ABR: variants seen among roughly 807,000 people sequenced by gnomAD.
ABR encodes active breakpoint cluster region-related protein.
A neutral mutation model predicts 107.2 loss-of-function variants in ABR; 35 were observed. The ratio of observed to expected loss-of-function variants is 0.33; its 90% CI spans 0.25 to 0.43. ABR has a LOEUF of 0.43. Ranked by LOEUF, ABR falls within the 20% of genes least tolerant of loss-of-function variation. The pLI is 1.00. For synonymous variants in ABR, 498 were observed against 462.0 expected (o/e 1.08, Z -1.00); for missense variants, 815 against 1,115.2 (o/e 0.73, Z 3.83).
At chr17:1,016,111 A>C (rs753278557) in intron 16 of ABR, among the ~76,000 whole-genome samples, 18 of 152,232 alleles carry the variant, frequency 1.2e-4, no homozygotes, top group Non-Finnish European at 2.2e-4. Context: ...CAGCCGCGTT[A>C]CACCATTCTT....
At chr17:1,218,450 G>A (rs2043054661) in intron 1 of ABR, among the ~76,000 whole-genome samples, 1 of 152,184 alleles carries the variant, frequency 6.6e-6, no homozygotes, top group African/African-American at 2.4e-5. Context: ...AGTCTGGAGA[G>A]GTTAACAGTT....
intron 7 of ABR, 42 bp from the exon 8 acceptor site, chr17:1,072,796 G>T: frequency 6.3e-7 from 1 of 1,595,046 alleles, no homozygotes; most frequent in Non-Finnish European, 8.5e-7. Flanking sequence ...GCGGCTCTGG[G>T]GCCTGATGTG....
At chr17:1,122,271 A>G (rs767358097) in intron 2 of ABR, among the ~76,000 whole-genome samples, 1 of 152,244 alleles carries the variant, frequency 6.6e-6, no homozygotes, top group Non-Finnish European at 1.5e-5. Flanking sequence ...AAGGAATAAT[A>G]GTATGACACT....
intron 1 of ABR, among the ~76,000 whole-genome samples, chr17:1,211,909 C>T (rs989256977): frequency 2.6e-5 from 4 of 151,672 alleles, no homozygotes; most frequent in Admixed American, 1.3e-4. Flanking sequence ...GGTGAAACCC[C>T]GTCTCTACTA....
At chr17:1,177,659 GTTCCATACGA>G in intron 1 of ABR, among the ~76,000 whole-genome samples, 1 of 152,150 alleles carries the variant, frequency 6.6e-6, no homozygotes, top group Non-Finnish European at 1.5e-5. Context: ...TAGAGACAGG[GTTCCATACGA>G]TTCCAGGCTT....
chr17:1,132,413 C>G (rs1030573865), intron 1 of ABR, among the ~76,000 whole-genome samples: 2 of 139,040 alleles, frequency 1.4e-5, no homozygotes, highest in African/African-American at 5.4e-5. Context: ...GAGTCTCGCT[C>G]TGTCACCCAG....
At chr17:1,055,788 A>G in intron 14 of ABR, 1 of 448,418 alleles carries the variant, frequency 2.2e-6, no homozygotes, top group Non-Finnish European at 4.1e-6. Context: ...GGGCCTCCCA[A>G]AGTGCTGGGA....
At chr17:1,119,872 G>C (rs543413079) in intron 2 of ABR, among the ~76,000 whole-genome samples, 6 of 152,148 alleles carry the variant, frequency 3.9e-5, no homozygotes, top group Non-Finnish European at 7.3e-5. Flanking sequence ...CATGGTCTTG[G>C]ACAAACAATA....
chr17:1,211,421 CAG>C (rs1469623897), intron 1 of ABR, among the ~76,000 whole-genome samples: 1 of 152,208 alleles, frequency 6.6e-6, no homozygotes, highest in Admixed American at 6.5e-5. Flanking sequence ...GCTGTTCCTG[CAG>C]AGGTGTCTGA....
At chr17:1,185,657 A>AC (rs2042267835) in intron 1 of ABR, among the ~76,000 whole-genome samples, 1 of 140,856 alleles carries the variant, frequency 7.1e-6, no homozygotes, top group African/African-American at 2.8e-5. Context: ...AAAGAAATAA[A>AC]AAAAAAAAAA....
intron 1 of ABR, among the ~76,000 whole-genome samples, chr17:1,185,654 T>TAAAAA (rs775804045): frequency 7.6e-4 from 30 of 39,346 alleles, no homozygotes; most frequent in African/African-American, 2.5e-3. Flanking sequence ...CAGAAAGAAA[T>TAAAAA]AAAAAAAAAA....
intron 1 of ABR, among the ~76,000 whole-genome samples, chr17:1,177,539 G>A (rs2041957971): frequency 6.6e-6 from 1 of 152,202 alleles, no homozygotes; most frequent in African/African-American, 2.4e-5. Flanking sequence ...GAATTTTCAA[G>A]GTGGCCTCAG....
intron 1 of ABR, chr17:1,155,878 C>T (rs1051795949): frequency 6.8e-6 from 1 of 147,032 alleles, no homozygotes; most frequent in African/African-American, 2.5e-5. Flanking sequence ...GCAGGAAAAT[C>T]CAGGAGGCGG....
intron 1 of ABR, among the ~76,000 whole-genome samples, chr17:1,133,094 A>G (rs1347825401): frequency 1.3e-5 from 2 of 152,172 alleles, no homozygotes; most frequent in African/African-American, 4.8e-5. Flanking sequence ...ATACAAAATT[A>G]GCCAGGCGTG....
At chr17:1,073,955 C>G in intron 6 of ABR, among the ~76,000 whole-genome samples, 1 of 140,636 alleles carries the variant, frequency 7.1e-6, no homozygotes, top group African/African-American at 2.5e-5. Flanking sequence ...GCCCCGCCCC[C>G]CTCCCCAGGC....
At chr17:1,069,596 C>A (rs1472168033) in intron 9 of ABR, among the ~76,000 whole-genome samples, 1 of 152,072 alleles carries the variant, frequency 6.6e-6, no homozygotes, top group Non-Finnish European at 1.5e-5. Context: ...CGCTTGAACC[C>A]GGGAGGCAGA....
At chr17:1,099,838 C>T (rs2037743592) in intron 3 of ABR, among the ~76,000 whole-genome samples, 1 of 152,146 alleles carries the variant, frequency 6.6e-6, no homozygotes, top group Non-Finnish European at 1.5e-5. Context: ...CTCAAAAGAA[C>T]ACAGACAGGC....
intron 1 of ABR, among the ~76,000 whole-genome samples, chr17:1,178,727 GAA>G (rs1236588896): frequency 2.6e-5 from 4 of 152,016 alleles, no homozygotes; most frequent in Non-Finnish European, 5.9e-5. Context: ...CAGGAAGGGC[GAA>G]ATCCACTATG....
intron 16 of ABR, among the ~76,000 whole-genome samples, chr17:1,019,014 G>C (rs373969734): frequency 3.9e-5 from 6 of 152,156 alleles, no homozygotes; most frequent in African/African-American, 1.2e-4. Context: ...TGAAGTCCAT[G>C]ACCCGCAGCT....
Sources: gnomAD v4.1 joint callset for allele counts (sites outside exome capture counted in the v4.1 genomes callset) on GRCh38, gnomAD v4.1.1 for gene constraint, MANE v1.5 for transcripts, NCBI Gene and HGNC (gene_info 2026-07-23, HGNC 2026-07-21) for gene names.